MYO1B: variants seen among roughly 807,000 people sequenced by gnomAD.
The protein encoded by MYO1B is unconventional myosin-Ib.
Under a neutral mutation model 159.7 loss-of-function variants are expected in MYO1B, and 72 were observed. The ratio of observed to expected loss-of-function variants is 0.45; its 90% CI spans 0.37 to 0.55. The LOEUF (loss-of-function observed/expected upper bound fraction) is 0.55. Among genes scored for constraint, MYO1B ranks in the 20% least tolerant of loss-of-function variants. MYO1B has a pLI of 0.00. For synonymous variants in MYO1B, 468 were observed against 473.8 expected (o/e 0.99, Z 0.16); for missense variants, 1,062 against 1,364.8 (o/e 0.78, Z 3.50).
rs370231615 is a variant in MYO1B, at chr2:191,423,906, T to A, written c.3357T>A (p.Ser1119Arg). 3 of 1,613,936 alleles carry A rather than the reference T, an allele frequency of 1.9e-6. No homozygotes were observed. Among genetic ancestry groups the A allele is most frequent in the Non-Finnish European group, 2.5e-6 (3 of 1,179,902 alleles). The change falls in exon 31 of 31, where the codon AGT becomes AGA. Residue 1119 changes from serine to arginine, a missense_variant. Physicochemically the swap from Ser to Arg is moderately radical, Grantham distance 110. This residue lies in a region of MYO1B where 609 missense variants were observed against 744.4 expected (regional missense o/e 0.82). Coordinates refer to ENST00000392318, the MANE Select transcript of MYO1B (RefSeq NM_001130158.3). ...KFIQGNQKNG[S>R]VPTCKRKNNR... ...TTCAGGGAAACCAGAAAAATGGGAG[T>A]GTCCCAACATGTAAACGAAAAAACA...
intron 3 of MYO1B, among the ~76,000 whole-genome samples, chr2:191,299,991 A>G (rs1448686143): frequency 1.3e-5 from 2 of 152,236 alleles, no homozygotes; most frequent in African/African-American, 4.8e-5. Context: ...CACATTTCCA[A>G]CATTCTCACA....
At chr2:191,326,768 ATATGTGTGTGTGTGTG>A (rs1309908081) in intron 3 of MYO1B, among the ~76,000 whole-genome samples, 1 of 109,122 alleles carries the variant, frequency 9.2e-6, no homozygotes, top group African/African-American at 3.7e-5. Flanking sequence ...GTGTTTGTAT[ATATGTGTGTGTGTGTG>A]TGTGTGTGTG....
At chr2:191,405,242 C>G (rs1173399561) in intron 24 of MYO1B, among the ~76,000 whole-genome samples, 1 of 152,172 alleles carries the variant, frequency 6.6e-6, no homozygotes, top group Admixed American at 6.5e-5. Context: ...CTTGAGATTG[C>G]AGCAATTCAG....
At chr2:191,324,276 A>G (rs960030145) in intron 3 of MYO1B, among the ~76,000 whole-genome samples, 3 of 151,978 alleles carry the variant, frequency 2.0e-5, no homozygotes, top group Non-Finnish European at 2.9e-5. Context: ...TTAATTTGTC[A>G]TTCAATTATT....
At chr2:191,309,489 T>C (rs1689861977) in intron 3 of MYO1B, among the ~76,000 whole-genome samples, 1 of 152,186 alleles carries the variant, frequency 6.6e-6, no homozygotes, top group Non-Finnish European at 1.5e-5. Context: ...TAGAGTGATC[T>C]TTTTTAAAGA....
At chr2:191,261,408 T>C (rs1428999023) in intron 1 of MYO1B, among the ~76,000 whole-genome samples, 6 of 152,198 alleles carry the variant, frequency 3.9e-5, no homozygotes, top group African/African-American at 9.7e-5. Context: ...CTCACTGATA[T>C]TATCAGTCAT....
chr2:191,383,096 G>T (rs1301871573), intron 14 of MYO1B, among the ~76,000 whole-genome samples, 184 bp from the exon 15 acceptor site: 1 of 152,170 alleles, frequency 6.6e-6, no homozygotes, highest in Non-Finnish European at 1.5e-5. Context: ...GATTATGTCA[G>T]TGGTAGGCAG....
intron 3 of MYO1B, among the ~76,000 whole-genome samples, chr2:191,311,053 C>G (rs1689972702): frequency 6.6e-6 from 1 of 152,096 alleles, no homozygotes; most frequent in Admixed American, 6.5e-5. Flanking sequence ...TTACGAAACC[C>G]TTTGAAGCCA....
intron 4 of MYO1B, among the ~76,000 whole-genome samples, chr2:191,339,822 A>G (rs1692096108): frequency 6.6e-6 from 1 of 152,180 alleles, no homozygotes; most frequent in African/African-American, 2.4e-5. Context: ...CTATTGGTTG[A>G]TGCTTTTAGG....
At chr2:191,401,288 AT>A (rs969427788) in intron 23 of MYO1B, among the ~76,000 whole-genome samples, 15 of 151,592 alleles carry the variant, frequency 9.9e-5, no homozygotes, top group East Asian at 3.9e-4. Flanking sequence ...TATGAATGAA[AT>A]TTTTTTTTAG....
intron 24 of MYO1B, among the ~76,000 whole-genome samples, chr2:191,403,666 T>C (rs545175843): frequency 1.4e-4 from 22 of 152,360 alleles, no homozygotes; most frequent in South Asian, 4.1e-4. Flanking sequence ...GCATTTTTTT[T>C]CTGCAATTTC....
chr2:191,366,514 C>T (rs2126026599), intron 11 of MYO1B, among the ~76,000 whole-genome samples: 1 of 152,126 alleles, frequency 6.6e-6, no homozygotes, highest in Admixed American at 6.5e-5. Context: ...TCCTGGGCCC[C>T]AGCATCATCT....
At chr2:191,340,609 T>G (rs909136580) in intron 4 of MYO1B, among the ~76,000 whole-genome samples, 1 of 152,210 alleles carries the variant, frequency 6.6e-6, no homozygotes, top group African/African-American at 2.4e-5. Context: ...AAGACTACCA[T>G]GTCTGGAAAA....
At chr2:191,302,306 A>G (rs1399761622) in intron 3 of MYO1B, among the ~76,000 whole-genome samples, 2 of 152,082 alleles carry the variant, frequency 1.3e-5, no homozygotes, top group African/African-American at 4.8e-5. Flanking sequence ...TATCCTGCAC[A>G]TCTCTGTGGC....
chr2:191,271,134 G>A (rs943163543), intron 1 of MYO1B, among the ~76,000 whole-genome samples: 1 of 152,196 alleles, frequency 6.6e-6, no homozygotes, highest in African/African-American at 2.4e-5. Flanking sequence ...AAAAGGTGCT[G>A]TCATGCATAC....
intron 3 of MYO1B, among the ~76,000 whole-genome samples, chr2:191,305,394 C>T (rs571376352): frequency 6.6e-4 from 101 of 152,244 alleles, no homozygotes; most frequent in Non-Finnish European, 9.1e-4. Flanking sequence ...CGTGAGACTG[C>T]GGAACTGAGG....
intron 11 of MYO1B, 149 bp downstream of exon 11, chr2:191,364,425 A>T: frequency 1.6e-6 from 1 of 634,540 alleles, no homozygotes; most frequent in Non-Finnish European, 2.8e-6. Flanking sequence ...CTAAACAGAT[A>T]AGGATCCCTG....
At chr2:191,363,577 T>C in intron 9 of MYO1B, 151 bp from the exon 10 acceptor site, 1 of 1,006,562 alleles carries the variant, frequency 9.9e-7, no homozygotes, top group Middle Eastern at 3.3e-4. Context: ...ACCCCCAGGG[T>C]TCCTCGAATC....
intron 3 of MYO1B, 106 bp downstream of exon 3, chr2:191,296,332 G>GTT (rs11397643): frequency 3.0e-3 from 1,200 of 401,374 alleles, no homozygotes; most frequent in Non-Finnish European, 3.7e-3. Flanking sequence ...GTTTTTGTCA[G>GTT]TTTTTTTTAA....
Sources: gnomAD v4.1 joint callset for allele counts (sites outside exome capture counted in the v4.1 genomes callset) on GRCh38, gnomAD v4.1.1 for gene constraint, gnomAD v4.1.1 regional missense constraint, MANE v1.5 for transcripts, NCBI Gene and HGNC (gene_info 2026-07-23, HGNC 2026-07-21) for gene names.